PTPRD: variants seen among roughly 807,000 people sequenced by gnomAD.
PTPRD encodes protein tyrosine phosphatase receptor type D, also known as receptor-type tyrosine-protein phosphatase delta.
PTPRD carries 34 observed loss-of-function variants against 214.5 expected under a neutral mutation model. That is an observed-to-expected ratio of 0.16 (90% CI 0.12 to 0.21). The LOEUF (loss-of-function observed/expected upper bound fraction) is 0.21. Among genes scored for constraint, PTPRD ranks in the 10% least tolerant of loss-of-function variants. PTPRD has a pLI of 1.00. For synonymous variants in PTPRD, 1,128 were observed against 845.7 expected (o/e 1.33, Z -5.79); for missense variants, 2,545 against 2,398.7 (o/e 1.06, Z -1.27).
intron 7 of PTPRD, among the ~76,000 whole-genome samples, chr9:9,609,567 A>G (rs551357426): frequency 2.6e-5 from 4 of 152,156 alleles, no homozygotes; most frequent in Admixed American, 6.5e-5. Flanking sequence ...GGTTCAAGCA[A>G]TTCTCGTGCC....
At chr9:9,189,391 G>GTC (rs2099933720) in intron 9 of PTPRD, among the ~76,000 whole-genome samples, 2 of 151,970 alleles carry the variant, frequency 1.3e-5, no homozygotes, top group South Asian at 4.2e-4. Context: ...TTTTAATCCG[G>GTC]AAGACTCTCA....
chr9:9,522,376 A>T (rs1277071731), intron 8 of PTPRD, among the ~76,000 whole-genome samples: 1 of 152,122 alleles, frequency 6.6e-6, no homozygotes, highest in Non-Finnish European at 1.5e-5. Context: ...ACTCTGAAAG[A>T]TTTCTAAAGG....
intron 6 of PTPRD, among the ~76,000 whole-genome samples, chr9:9,762,190 T>C (rs1195110350): frequency 6.6e-6 from 1 of 152,160 alleles, no homozygotes; most frequent in Admixed American, 6.5e-5. Flanking sequence ...ACTTCCCTCT[T>C]GGAAGAATAG....
At chr9:9,513,960 C>A (rs899868446) in intron 8 of PTPRD, among the ~76,000 whole-genome samples, 2 of 151,968 alleles carry the variant, frequency 1.3e-5, no homozygotes, top group African/African-American at 4.8e-5. Flanking sequence ...CAAGCTGGTA[C>A]CAGTTTCAGG....
chr9:10,540,602 G>A (rs543606419), intron 2 of PTPRD, among the ~76,000 whole-genome samples: 2 of 152,158 alleles, frequency 1.3e-5, no homozygotes, highest in Admixed American at 1.3e-4. Context: ...TGTTTAGTTT[G>A]CATTTGTAAC....
At chr9:9,548,000 T>G (rs1041263180) in intron 8 of PTPRD, among the ~76,000 whole-genome samples, 8 of 152,128 alleles carry the variant, frequency 5.3e-5, no homozygotes, top group African/African-American at 1.9e-4. Flanking sequence ...AACAAAATCT[T>G]TCAAGAGTTG....
intron 9 of PTPRD, among the ~76,000 whole-genome samples, chr9:9,210,860 C>CT (rs1001674518): frequency 1.7e-3 from 256 of 146,898 alleles, no homozygotes; most frequent in Middle Eastern, 3.6e-3. Context: ...ATTTTGTTTC[C>CT]TTTTTTTTTT....
At chr9:8,845,958 C>T (rs530738212) in intron 11 of PTPRD, among the ~76,000 whole-genome samples, 14 of 152,258 alleles carry the variant, frequency 9.2e-5, no homozygotes, top group African/African-American at 3.1e-4. Flanking sequence ...CCCCTTAAAA[C>T]GAAAACAAAT....
At chr9:10,273,287 C>A (rs2094516201) in intron 3 of PTPRD, among the ~76,000 whole-genome samples, 1 of 152,048 alleles carries the variant, frequency 6.6e-6, no homozygotes, top group South Asian at 2.1e-4. Flanking sequence ...TTCATATTGC[C>A]ACACCATGGG....
Position 10,051,227 on chromosome 9 carries a change from G to A in PTPRD, c.-544-17437C>T, listed in dbSNP as rs926095716. 3.9e-5 allele frequency among the ~76,000 whole-genome samples: 6 copies of A among 152,208 alleles called. 1 individual carries two copies. The highest frequency in any genetic ancestry group is 1.4e-4 in the African/African-American group (6 of 41,558). On this transcript the variant is annotated intron_variant, in intron 3 of 45. Coordinates refer to ENST00000381196, the MANE Select transcript of PTPRD (RefSeq NM_002839.4). ...AGAAAAGAATATCCATAATTTTGAA[G>A]AAAAGAGTTGTTTCGGGAAAACATG...
intron 10 of PTPRD, among the ~76,000 whole-genome samples, chr9:9,128,555 G>C (rs1482862105): frequency 6.6e-6 from 1 of 152,176 alleles, no homozygotes; most frequent in Admixed American, 6.5e-5. Flanking sequence ...AAGTTAGCTA[G>C]CACAAACAGA....
Position 8,936,836 on chromosome 9 carries a change from T to C in PTPRD, c.-104+81861A>G, listed in dbSNP as rs544039017. 5.9e-5 allele frequency among the ~76,000 whole-genome samples: 9 copies of C among 152,292 alleles called. No homozygotes were observed. In the South Asian group the frequency reaches 1.0e-3, roughly 18 times the overall value. ...ATGGTGAACATGGGATAATTCAAAATGGTTTCTTATACAGAATTCACTTTG... is the reference window on the plus strand; with the variant it reads ...ATGGTGAACATGGGATAATTCAAAACGGTTTCTTATACAGAATTCACTTTG... On this transcript the variant is annotated intron_variant, in intron 11 of 45. Coordinates refer to ENST00000381196, the MANE Select transcript of PTPRD (RefSeq NM_002839.4).
chr9:9,564,878 T>A (rs1241339122), intron 8 of PTPRD, among the ~76,000 whole-genome samples: 1 of 140,418 alleles, frequency 7.1e-6, no homozygotes, highest in Non-Finnish European at 1.5e-5. Flanking sequence ...GAGACTTGAA[T>A]CTTCTGTTTT....
At chr9:8,414,094 G>A (rs1033148471) in intron 35 of PTPRD, among the ~76,000 whole-genome samples, 2 of 152,020 alleles carry the variant, frequency 1.3e-5, no homozygotes, top group Non-Finnish European at 2.9e-5. Context: ...AGGATACACA[G>A]CAACAATTAC....
At chr9:10,584,670 CA>C (rs1180807981) in intron 2 of PTPRD, among the ~76,000 whole-genome samples, 1 of 152,064 alleles carries the variant, frequency 6.6e-6, no homozygotes, top group Non-Finnish European at 1.5e-5. Context: ...TTGTGTCACT[CA>C]ATTGAATAAT....
At chr9:8,520,996 T>G (rs960384753) in intron 20 of PTPRD, among the ~76,000 whole-genome samples, 1 of 152,142 alleles carries the variant, frequency 6.6e-6, no homozygotes, top group Non-Finnish European at 1.5e-5. Context: ...CGACCATGTG[T>G]AAAATTCCTA....
intron 11 of PTPRD, among the ~76,000 whole-genome samples, chr9:8,813,767 G>A (rs912509352): frequency 1.2e-4 from 18 of 152,220 alleles, no homozygotes; most frequent in African/African-American, 3.4e-4. Flanking sequence ...ATGCTTTGCT[G>A]AGTTCCTGAG....
At chr9:8,467,890 G>GT (rs1163332044) in intron 31 of PTPRD, among the ~76,000 whole-genome samples, 4 of 151,892 alleles carry the variant, frequency 2.6e-5, no homozygotes, top group African/African-American at 9.7e-5. Flanking sequence ...ACACCAAGAA[G>GT]GAAAATGCAC....
intron 3 of PTPRD, among the ~76,000 whole-genome samples, chr9:10,143,986 C>T (rs2154269804): frequency 6.6e-6 from 1 of 152,168 alleles, no homozygotes; most frequent in East Asian, 1.9e-4. Flanking sequence ...TACTTTTATA[C>T]TCCAAGCCTC....
Sources: gnomAD v4.1 joint callset for allele counts (sites outside exome capture counted in the v4.1 genomes callset) on GRCh38, gnomAD v4.1.1 for gene constraint, MANE v1.5 for transcripts, NCBI Gene and HGNC (gene_info 2026-07-23, HGNC 2026-07-21) for gene names.